The following PNPLA7 variants were observed in gnomAD, a reference collection of about 807,000 sequenced individuals.
The protein encoded by PNPLA7 is patatin like domain 7, lysophospholipase, also known as patatin-like phospholipase domain-containing protein 7.
A neutral mutation model predicts 161.7 loss-of-function variants in PNPLA7; 153 were observed. The ratio of observed to expected loss-of-function variants is 0.95; its 90% CI spans 0.83 to 1.08. The LOEUF (loss-of-function observed/expected upper bound fraction) is 1.08, where lower values mean the gene tolerates loss of function less well. PNPLA7 is among the 50% of genes least tolerant of loss of function. PNPLA7 has a pLI of 0.00. For synonymous variants in PNPLA7, 809 were observed against 782.1 expected (o/e 1.03, Z -0.57); for missense variants, 1,739 against 1,856.6 (o/e 0.94, Z 1.16).
chr9:137,478,849 A>C, intron 24 of PNPLA7: 1 of 684,178 alleles, frequency 1.5e-6, no homozygotes, highest in Non-Finnish European at 2.2e-6. Flanking sequence ...GCCTGCCCCC[A>C]CTGCACCGGC....
intron 8 of PNPLA7, among the ~76,000 whole-genome samples, chr9:137,531,983 C>G (rs1010350770): frequency 1.3e-5 from 2 of 152,164 alleles, no homozygotes; most frequent in Non-Finnish European, 1.5e-5. Flanking sequence ...TCTGGGCTGG[C>G]CTAGAACTAC....
chr9:137,510,185 G>T (rs28490870), intron 12 of PNPLA7, among the ~76,000 whole-genome samples: 4,854 of 152,194 alleles, frequency 0.032, 257 homozygotes, highest in African/African-American at 0.11. Context: ...TTAGCAGACC[G>T]GGAAAGGGAG....
rs925902985 is a variant in PNPLA7 at position 137,501,745 on chromosome 9, T to A, written c.1474-18A>T. The A allele has an allele frequency of 8.1e-6, 13 of 1,611,088 alleles. No individual in the cohort carries two copies. The highest frequency in any genetic ancestry group is 1.1e-5 in the Non-Finnish European group (13 of 1,179,056). On this transcript the variant is annotated intron_variant, in intron 14 of 34. Coordinates refer to ENST00000406427, the MANE Select transcript of PNPLA7 (RefSeq NM_001098537.3). The stretch of plus-strand genomic sequence containing the variant: ...GATGAGTCCTAAAAACAGAGCAGAC[T>A]TCAGGGAACACGGGCGGGAAGCATA...
intron 19 of PNPLA7, among the ~76,000 whole-genome samples, chr9:137,494,812 T>G (rs191297622): frequency 2.1e-5 from 3 of 145,600 alleles, no homozygotes; most frequent in Non-Finnish European, 3.0e-5. Context: ...CGCCCTGCCC[T>G]CACCTGCTCC....
intron 25 of PNPLA7, among the ~76,000 whole-genome samples, chr9:137,469,162 G>C (rs541303444): frequency 6.6e-6 from 1 of 152,294 alleles, no homozygotes; most frequent in South Asian, 2.1e-4. Context: ...CAAATGAAAA[G>C]CTCAATGAGT....
Position 137,502,632 on chromosome 9 carries a change from G to T in PNPLA7, c.1474-905C>A, listed in dbSNP as rs953139752. On this transcript the variant is annotated intron_variant, in intron 14 of 34. Coordinates refer to ENST00000406427, the MANE Select transcript of PNPLA7 (RefSeq NM_001098537.3). ...GGGAGGTTCTTCAGGAGAAGAAAGC[G>T]GCCTCCCTGAGGAAAGCAGCTGCAC... Among the ~76,000 whole-genome samples the T allele has an allele frequency of 6.1e-5, 7 of 115,508 alleles. No individual in the cohort carries two copies. The Admixed American group carries it at 6.7e-4, about 11-fold the overall frequency. 75.8% of individuals were successfully genotyped at this position (115,508 alleles called of 152,430 possible). A position where few individuals can be genotyped will look rare whatever the true frequency, so the allele number is the denominator to read the frequency against.
intron 8 of PNPLA7, among the ~76,000 whole-genome samples, chr9:137,535,486 G>A (rs1374747796): frequency 6.6e-6 from 1 of 152,192 alleles, no homozygotes; most frequent in Non-Finnish European, 1.5e-5. Context: ...CAGGCGCAGT[G>A]GCTCACACCT....
intron 12 of PNPLA7, among the ~76,000 whole-genome samples, chr9:137,508,539 C>G (rs1834039512): frequency 1.3e-5 from 2 of 151,586 alleles, no homozygotes; most frequent in African/African-American, 4.8e-5. Flanking sequence ...TGCATTCCAG[C>G]CTGGGCAACA....
Position 137,549,478 on chromosome 9 carries a change from G to A in PNPLA7, c.30+690C>T, listed in dbSNP as rs368818764. Among the ~76,000 whole-genome samples the A allele has an allele frequency of 5.7e-4, 86 of 150,832 alleles. No homozygotes were observed. The South Asian group carries it at 0.012, about 20-fold the overall frequency. ...CCAGCTACTTGGGAGGCCGAGGCAG[G>A]AGAATGGCGTGAACCTGGGAGGCAG... On this transcript the variant is annotated intron_variant, in intron 1 of 34. Transcript: ENST00000406427.
At chr9:137,462,940 T>A in intron 29 of PNPLA7, 107 bp from the exon 30 acceptor site, 1 of 1,446,392 alleles carries the variant, frequency 6.9e-7, no homozygotes, top group South Asian at 1.3e-5. Flanking sequence ...TGGGGTCTCC[T>A]CTCCGCCATT....
intron 1 of PNPLA7, among the ~76,000 whole-genome samples, chr9:137,549,721 G>A (rs981510431): frequency 2.0e-5 from 3 of 151,886 alleles, no homozygotes; most frequent in Non-Finnish European, 4.4e-5. Context: ...GGAGGCGGAG[G>A]TTGCTGTGAG....
intron 17 of PNPLA7, among the ~76,000 whole-genome samples, chr9:137,497,776 C>G (rs957356443): frequency 2.0e-5 from 3 of 152,270 alleles, no homozygotes; most frequent in African/African-American, 7.2e-5. Context: ...ATCCACCCAC[C>G]TTGGCCTCCC....
At chr9:137,484,523 G>C in intron 21 of PNPLA7, 64 bp downstream of exon 21, 1 of 1,488,042 alleles carries the variant, frequency 6.7e-7, no homozygotes, top group Non-Finnish European at 9.0e-7. Flanking sequence ...GAGGGCAGCC[G>C]GCAGGCGCCC....
At chr9:137,487,384 C>A (rs942129756) in intron 20 of PNPLA7, among the ~76,000 whole-genome samples, 7 of 152,250 alleles carry the variant, frequency 4.6e-5, no homozygotes, top group African/African-American at 1.7e-4. Context: ...CAGGGCTGGC[C>A]AAGTGTCGCC....
rs1465707640 is a variant in PNPLA7, at chr9:137,511,074, C to T, written c.1225+4305G>A. Among the ~76,000 whole-genome samples the T allele has an allele frequency of 2.0e-5, 3 of 152,342 alleles. No individual in the cohort carries two copies. In the East Asian group the frequency reaches 5.8e-4, roughly 29 times the overall value. On this transcript the variant is annotated intron_variant, in intron 12 of 34. Coordinates refer to ENST00000406427, the MANE Select transcript of PNPLA7 (RefSeq NM_001098537.3). Reference sequence around the variant, plus strand: ...GAAGACAAGAGTGTGAGCTCTCTGTCACGCCCAGATAAGGGCCGCTTGAGG... The same window carrying T: ...GAAGACAAGAGTGTGAGCTCTCTGTTACGCCCAGATAAGGGCCGCTTGAGG...
In PNPLA7 at chr9:137,547,584, C is replaced by T. The variant is rs1008593613; in HGVS notation, c.105+1G>A. ...GCTCCAGGGAAGCGTGAGGTGATTA[C>T]CATGGTGGACGGTGAACCTTCCTCC... On this transcript the variant is annotated splice_donor_variant, in intron 2 of 34. Transcript: ENST00000406427. LOFTEE classifies it high-confidence loss of function. This position sits in a 1 kb window ranked among gnomAD's most constrained non-coding sequence, Gnocchi z 4.6. 8 of 1,613,160 alleles carry T rather than the reference C, an allele frequency of 5.0e-6. No homozygotes were observed. In the South Asian group the frequency reaches 7.7e-5, roughly 15 times the overall value.
At chr9:137,530,382 C>T (rs1443202357) in intron 8 of PNPLA7, among the ~76,000 whole-genome samples, 1 of 151,674 alleles carries the variant, frequency 6.6e-6, no homozygotes, top group Non-Finnish European at 1.5e-5. Flanking sequence ...GCTCTCTCCT[C>T]CCTGAGATCC....
chr9:137,522,891 GGGCCT>G, intron 8 of PNPLA7, 34 bp from the exon 9 acceptor site: 1 of 1,607,252 alleles, frequency 6.2e-7, no homozygotes, highest in African/African-American at 1.3e-5. Context: ...CCCACTCTGT[GGGCCT>G]GGCCAACCCC....
Position 137,547,742 on chromosome 9 carries a change from G to T in PNPLA7, c.31-83C>A. On this transcript the variant is annotated intron_variant, in intron 1 of 34. Coordinates refer to ENST00000406427, the MANE Select transcript of PNPLA7 (RefSeq NM_001098537.3). This position sits in a 1 kb window ranked among gnomAD's most constrained non-coding sequence, Gnocchi z 4.6. Reference sequence around the variant, plus strand: ...TTCAGAGCAGCAGGAGGAGAGCTGGGAGTTAGGGGAGAAGTCAGCAGCCCT... The same window carrying T: ...TTCAGAGCAGCAGGAGGAGAGCTGGTAGTTAGGGGAGAAGTCAGCAGCCCT... 2 of 1,302,600 alleles carry T rather than the reference G, an allele frequency of 1.5e-6. No individual in the cohort carries two copies. The highest frequency in any genetic ancestry group is 1.5e-5 in the African/African-American group (1 of 68,862). The allele number at this position is 1,302,600 out of a possible 1,614,324, so 80.7% of individuals were successfully genotyped here.
Sources: gnomAD v4.1 joint callset for allele counts (sites outside exome capture counted in the v4.1 genomes callset) on GRCh38, gnomAD v4.1.1 for gene constraint, Gnocchi (gnomAD v3.1) non-coding constraint, MANE v1.5 for transcripts, NCBI Gene and HGNC (gene_info 2026-07-23, HGNC 2026-07-21) for gene names.